Variants in CCT6A observed in about 807,000 individuals in gnomAD.
CCT6A encodes the protein T-complex protein 1 subunit zeta.
In CCT6A, 6 loss-of-function variants were observed where a neutral mutation model predicts 58.6. The observed-to-expected ratio is 0.10, with a 90% confidence interval of 0.06 to 0.20. The LOEUF is 0.20. Among genes scored for constraint, CCT6A ranks in the 10% least tolerant of loss-of-function variants. The pLI, the probability that CCT6A is intolerant of heterozygous loss-of-function variation, is 1.00. For missense variants in CCT6A, 516 were observed against 648.8 expected, an observed-to-expected ratio of 0.80 and a Z score of 2.22; for synonymous variants, 245 against 227.8, an observed-to-expected ratio of 1.08 and a Z score of -0.68.
At chr7:56,057,372 G>T (rs1467662207) in intron 5 of CCT6A, among the ~76,000 whole-genome samples, 1 of 151,942 alleles carries the variant, frequency 6.6e-6, no homozygotes, top group Non-Finnish European at 1.5e-5. Flanking sequence ...GTGTGTGTGT[G>T]TGTGTGTCTG....
chr7:56,058,076 G>A lies in CCT6A; in HGVS notation c.698G>A (p.Cys233Tyr), dbSNP rs756551563. ...GTGGAGGATGCATACATCCTCACTT[G>A]TAACGTGTCATTAGAGTATGAGAAA... ...KRVEDAYILT[C>Y]NVSLEYEKTE... Residue 233 changes from cysteine to tyrosine, a missense_variant, in exon 6 of 14, where the codon TGT becomes TAT. This residue lies in a region of CCT6A where 315 missense variants were observed against 389.4 expected (regional missense o/e 0.81). Coordinates refer to ENST00000275603, the MANE Select transcript of CCT6A (RefSeq NM_001762.4). 1 of 1,601,684 alleles carries A rather than the reference G, an allele frequency of 6.2e-7. No homozygotes were observed. Among genetic ancestry groups the A allele is most frequent in the East Asian group, 2.2e-5 (1 of 44,824 alleles).
intron 12 of CCT6A, 44 bp downstream of exon 12, chr7:56,061,893 C>T (rs1043672573): frequency 8.3e-6 from 9 of 1,078,864 alleles, no homozygotes; most frequent in East Asian, 2.6e-5. Context: ...AGATGTAATA[C>T]GTGTGAGTTG....
At position 56,063,243 on chromosome 7, in the gene CCT6A, GA is replaced by G; in HGVS notation, c.*161del. On this transcript the variant is annotated 3_prime_UTR_variant, in exon 14 of 14. Transcript: ENST00000275603. ...GCATCTGTTGAAATTTGGAAGTTCTGAAATTATAGTATTTTTAAAAATTGCA... is the reference window on the plus strand; with the variant it reads ...GCATCTGTTGAAATTTGGAAGTTCTGAATTATAGTATTTTTAAAAATTGCA... 1 of 624,358 alleles carries G rather than the reference GA, an allele frequency of 1.6e-6. No individual in the cohort carries two copies. The allele number at this position is 624,358 out of a possible 1,614,324, so 38.7% of individuals were successfully genotyped here. A position where few individuals can be genotyped will look rare whatever the true frequency, so the allele number is the denominator to read the frequency against.
At chr7:56,055,870 T>C (rs1204233772) in intron 4 of CCT6A, 73 bp downstream of exon 4, 6 of 1,103,324 alleles carry the variant, frequency 5.4e-6, no homozygotes, top group African/African-American at 1.6e-5. Context: ...GAAACATGAA[T>C]ATGATTACCA....
At chr7:56,062,594 G>A (rs1794481338) in intron 12 of CCT6A, 89 bp from the exon 13 acceptor site, 1 of 1,059,526 alleles carries the variant, frequency 9.4e-7, no homozygotes, top group East Asian at 2.4e-5. Flanking sequence ...AATACTGGAG[G>A]AAATGAGTCA....
Position 56,054,383 on chromosome 7 carries a change from A to G in CCT6A, c.216A>G (p.Pro72=), listed in dbSNP as rs57748693. Residue 72 remains proline (P), a synonymous_variant, in exon 3 of 14, where the codon CCA becomes CCG. Transcript: ENST00000275603. The part of the protein sequence containing the change: ...VLLHEMQIQH[P]TASLIAKVAT... ...TCTACTTACAGCAAATTCAACACCC[A>G]ACAGCTTCCTTAATAGCAAAGGTAG... 3.5e-5 allele frequency: 56 copies of G among 1,607,392 alleles called. No homozygotes were observed. Among genetic ancestry groups the G allele is most frequent in the Non-Finnish European group, 4.6e-5 (54 of 1,175,612 alleles).
chr7:56,053,560 C>G (rs1374330267), intron 2 of CCT6A, among the ~76,000 whole-genome samples: 2 of 152,150 alleles, frequency 1.3e-5, no homozygotes, highest in Non-Finnish European at 2.9e-5. Flanking sequence ...ACGACCAGCC[C>G]TGGCCAACAT....
intron 9 of CCT6A, 36 bp downstream of exon 9, chr7:56,059,676 T>C (rs1444197978): frequency 1.0e-6 from 1 of 1,003,476 alleles, no homozygotes; most frequent in Admixed American, 1.7e-5. Flanking sequence ...AATAGAACCT[T>C]TTAGCTCGTG....
chr7:56,060,730 C>G, intron 10 of CCT6A, 77 bp from the exon 11 acceptor site: 2 of 1,493,924 alleles, frequency 1.3e-6, no homozygotes, highest in Non-Finnish European at 1.8e-6. Flanking sequence ...AAATTAATGG[C>G]TTTCATATGT....
chr7:56,062,947 G>T (rs1390395717), intron 13 of CCT6A, 66 bp from the exon 14 acceptor site: 54 of 1,320,886 alleles, frequency 4.1e-5, no homozygotes, highest in Non-Finnish European at 6.6e-6. Context: ...TTGGTTGGAA[G>T]TGGGAAGTTG....
intron 2 of CCT6A, among the ~76,000 whole-genome samples, chr7:56,053,617 G>GGCCCTGCACGCCTGTA (rs1562848412): frequency 6.6e-6 from 1 of 152,082 alleles, no homozygotes. Flanking sequence ...AGCCGGGTGT[G>GGCCCTGCACGCCTGTA]GTCCTGCACG....
chr7:56,061,008 A>G, intron 11 of CCT6A, 68 bp downstream of exon 11: 1 of 1,496,600 alleles, frequency 6.7e-7, no homozygotes, highest in African/African-American at 1.4e-5. Flanking sequence ...ATAATGTAGG[A>G]TTTATTCATA....
intron 13 of CCT6A, 79 bp from the exon 14 acceptor site, chr7:56,062,934 A>G: frequency 8.3e-7 from 1 of 1,210,956 alleles, no homozygotes; most frequent in Non-Finnish European, 1.2e-6. Context: ...TAATGTGTGC[A>G]GCTTGGTTGG....
rs201362156 is a variant in CCT6A, at chr7:56,055,733, T to G, written c.446T>G (p.Ile149Arg). 8 of 1,613,686 alleles carry G rather than the reference T, an allele frequency of 5.0e-6. No homozygotes were observed. Among genetic ancestry groups the G allele is most frequent in the South Asian group, 4.4e-5 (4 of 91,068 alleles). The change falls in exon 4 of 14, where the codon ATA (isoleucine) becomes AGA (arginine). Residue 149 changes from isoleucine to arginine, a missense_variant. Ile to Arg is a moderately conservative substitution (Grantham distance 97). This residue lies in a region of CCT6A where 85 missense variants were observed against 74.9 expected (regional missense o/e 1.13). Transcript: ENST00000275603. Reference sequence around the variant, plus strand: ...AGAGAGATGGACAGGGAAACACTTATAGATGTGGCCAGAACATCTCTTCGT... The same window carrying G: ...AGAGAGATGGACAGGGAAACACTTAGAGATGTGGCCAGAACATCTCTTCGT... ...VSREMDRETL[I>R]DVARTSLRTK...
At chr7:56,052,337 A>C (rs1794140744) in intron 1 of CCT6A, 85 bp from the exon 2 acceptor site, 1 of 1,261,770 alleles carries the variant, frequency 7.9e-7, no homozygotes, top group Non-Finnish European at 1.2e-6. Context: ...GGCTCCCTAA[A>C]ATCTGGGAAA....
intron 11 of CCT6A, 46 bp from the exon 12 acceptor site, chr7:56,061,701 A>G: frequency 3.2e-6 from 1 of 308,028 alleles, no homozygotes. Flanking sequence ...TTTTACTATC[A>G]GTTATTAGTT....
At chr7:56,057,419 G>T (rs561625921) in intron 5 of CCT6A, among the ~76,000 whole-genome samples, 1 of 152,024 alleles carries the variant, frequency 6.6e-6, no homozygotes, top group African/African-American at 2.4e-5. Flanking sequence ...GCCCAGGCTG[G>T]TTTTAAATTC....
chr7:56,055,718 A>G lies in CCT6A; in HGVS notation c.431A>G (p.Asp144Gly), dbSNP rs553391026. 1 of 1,613,760 alleles carries G rather than the reference A, an allele frequency of 6.2e-7. No individual in the cohort carries two copies. Among genetic ancestry groups the G allele is most frequent in the Admixed American group, 1.7e-5 (1 of 60,016 alleles). Reference protein sequence around the residue: ...LEEVKVSREMDRETLIDVART... With the variant: ...LEEVKVSREMGRETLIDVART... ...GAAGTCAAAGTAAGCAGAGAGATGG[A>G]CAGGGAAACACTTATAGATGTGGCC... The change falls in exon 4 of 14, where the codon GAC becomes GGC. Residue 144 changes from aspartate to glycine, a missense_variant. Asp to Gly is a moderately conservative substitution (Grantham distance 94). Around this residue, in one of 3 missense-constraint regions of CCT6A, gnomAD observed 116 missense variants for 184.5 expected, o/e 0.63. Coordinates refer to ENST00000275603, the MANE Select transcript of CCT6A (RefSeq NM_001762.4).
chr7:56,062,541 G>A, intron 12 of CCT6A, 142 bp from the exon 13 acceptor site: 1 of 729,180 alleles, frequency 1.4e-6, no homozygotes, highest in Non-Finnish European at 2.4e-6. Context: ...ATGGTTTAGA[G>A]TAGAAAATTG....
Sources: gnomAD v4.1 joint callset for allele counts (sites outside exome capture counted in the v4.1 genomes callset) on GRCh38, gnomAD v4.1.1 for gene constraint, gnomAD v4.1.1 regional missense constraint, MANE v1.5 for transcripts, NCBI Gene and HGNC (gene_info 2026-07-23, HGNC 2026-07-21) for gene names.